WDR17: variants seen among roughly 807,000 people sequenced by gnomAD.
The protein encoded by WDR17 is WD repeat domain 17.
A neutral mutation model predicts 161.7 loss-of-function variants in WDR17; 143 were observed. The observed-to-expected ratio is 0.88, with a 90% confidence interval of 0.77 to 1.02. The LOEUF (loss-of-function observed/expected upper bound fraction) is 1.02. WDR17 is among the 50% of genes least tolerant of loss of function. The probability of loss-of-function intolerance (pLI) is 0.00; values close to 1 mark genes in which losing one functional copy is unlikely to be tolerated. For missense variants in WDR17, 1,469 were observed against 1,520.9 expected (o/e 0.97, Z 0.57); for synonymous variants, 517 against 515.6 (o/e 1.00, Z -0.04).
chr4:176,089,490 C>T (rs1735839260), intron 1 of WDR17, among the ~76,000 whole-genome samples: 1 of 152,004 alleles, frequency 6.6e-6, no homozygotes, highest in South Asian at 2.1e-4. Context: ...TCTCCTATAC[C>T]CCTAAACCCC....
At chr4:176,155,859 A>C (rs924815101) in intron 17 of WDR17, among the ~76,000 whole-genome samples, 1 of 151,662 alleles carries the variant, frequency 6.6e-6, no homozygotes, top group Non-Finnish European at 1.5e-5. Flanking sequence ...CACCATGCCC[A>C]GCTTCTTTTA....
chr4:176,158,272 G>A (rs35364107), intron 18 of WDR17, among the ~76,000 whole-genome samples: 36,583 of 152,122 alleles, frequency 0.24, 5,108 homozygotes, highest in Admixed American at 0.41. Context: ...TCAAGAGACA[G>A]CAGTAGCGTG....
intron 4 of WDR17, among the ~76,000 whole-genome samples, chr4:176,121,161 T>TG (rs1251563957): frequency 1.3e-5 from 2 of 152,202 alleles, no homozygotes; most frequent in Non-Finnish European, 2.9e-5. Flanking sequence ...AAGATTAGCA[T>TG]GAGGAGGGAT....
intron 28 of WDR17, among the ~76,000 whole-genome samples, chr4:176,178,958 A>G (rs1232681664): frequency 6.6e-6 from 1 of 152,204 alleles, no homozygotes; most frequent in Non-Finnish European, 1.5e-5. Context: ...AAGCAAGAAA[A>G]TCACATGGCT....
intron 1 of WDR17, among the ~76,000 whole-genome samples, chr4:176,105,624 A>C (rs886307433): frequency 2.0e-5 from 3 of 152,180 alleles, no homozygotes; most frequent in Non-Finnish European, 4.4e-5. Flanking sequence ...CAATGGATGA[A>C]AGAAGAAATC....
rs1327813004 is a variant in WDR17, at chr4:176,174,678, C to T, written c.3409C>T (p.Gln1137Ter). ...YIGALLAIRR[Q>*]YQSIVPALYE... ...TGGTGCATTACTGGCTATCAGAAGA[C>T]AGTACCAAAGCATTGTTCCAGCACT... is the stretch of plus-strand genomic sequence containing the variant. The change falls in exon 26 of 29, where the codon CAG becomes TAG. Residue 1137 changes from glutamine to a stop codon, truncating the protein, a stop_gained. Coordinates refer to ENST00000508596, the MANE Select transcript of WDR17 (RefSeq NM_181265.4). LOFTEE classifies it high-confidence loss of function. 1.2e-6 allele frequency: 2 copies of T among 1,612,282 alleles called. No individual in the cohort carries two copies. The highest frequency in any genetic ancestry group is 2.2e-5 in the East Asian group (1 of 44,744).
In WDR17 at chr4:176,177,515, GAA is replaced by G; in HGVS notation, c.3594_3595del (p.Arg1198SerfsTer34). 1 of 1,587,326 alleles carries G rather than the reference GAA, an allele frequency of 6.3e-7. No homozygotes were observed. Among genetic ancestry groups the G allele is most frequent in the Non-Finnish European group, 8.5e-7 (1 of 1,172,804 alleles). On this transcript the variant is annotated frameshift_variant, in exon 28 of 29. Coordinates refer to ENST00000508596, the MANE Select transcript of WDR17 (RefSeq NM_181265.4). LOFTEE classifies it high-confidence loss of function. ...TATACACCCCCTTCTGATTCACAAA[GAA>G]TGATTTATGCAACTTTATTAAAGAG...
intron 10 of WDR17, among the ~76,000 whole-genome samples, chr4:176,140,671 G>T (rs567984257): frequency 1.3e-5 from 2 of 152,064 alleles, no homozygotes; most frequent in South Asian, 4.1e-4. Context: ...TAGTTCTTGA[G>T]AATACAGAAG....
At chr4:176,151,085 G>A (rs1561184926) in intron 16 of WDR17, among the ~76,000 whole-genome samples, 1 of 152,142 alleles carries the variant, frequency 6.6e-6, no homozygotes, top group Non-Finnish European at 1.5e-5. Context: ...AATATGTATA[G>A]TTAATCGTTA....
intron 5 of WDR17, among the ~76,000 whole-genome samples, chr4:176,127,672 A>C (rs1310591233): frequency 6.6e-6 from 1 of 152,174 alleles, no homozygotes; most frequent in Non-Finnish European, 1.5e-5. Flanking sequence ...ACCATTTTTA[A>C]AGCATGCAGT....
rs1749298370 is a variant in WDR17 at position 176,163,219 on chromosome 4, A to T, written c.2916A>T (p.Leu972=). The T allele has an allele frequency of 6.2e-7, 1 of 1,613,980 alleles. No individual in the cohort carries two copies. The highest frequency in any genetic ancestry group is 8.5e-7 in the Non-Finnish European group (1 of 1,180,010). ...TGGCAGTCTGTGTGGGCACAGTACT[A>T]GGAGAGTCTGCAGCACCAGCAACCC... ...LELAVCVGTV[L]GESAAPATHY... Residue 972 remains leucine, a synonymous_variant, in exon 22 of 29, where the codon CTA becomes CTT. Transcript: ENST00000508596.
intron 1 of WDR17, among the ~76,000 whole-genome samples, chr4:176,110,009 T>C (rs929470595): frequency 5.9e-5 from 9 of 152,202 alleles, no homozygotes; most frequent in African/African-American, 2.2e-4. Context: ...ACTACTTACA[T>C]TTTTTCCTTA....
intron 7 of WDR17, among the ~76,000 whole-genome samples, chr4:176,133,684 C>T (rs1235009543): frequency 6.6e-6 from 1 of 151,470 alleles, no homozygotes; most frequent in Non-Finnish European, 1.5e-5. Context: ...CCAGAAGAAA[C>T]AACTCTGAAC....
intron 22 of WDR17, among the ~76,000 whole-genome samples, chr4:176,164,364 A>G (rs933473135): frequency 6.6e-6 from 1 of 152,238 alleles, no homozygotes; most frequent in African/African-American, 2.4e-5. Context: ...AAAACCTTTC[A>G]GGTGTTGACC....
chr4:176,179,359 A>C, intron 28 of WDR17, 101 bp from the exon 29 acceptor site: 1 of 1,244,594 alleles, frequency 8.0e-7, no homozygotes, highest in Non-Finnish European at 1.0e-6. Context: ...TTGCCTAAAT[A>C]TTATGTTTTT....
At chr4:176,085,120 C>A (rs765717623) in intron 1 of WDR17, among the ~76,000 whole-genome samples, 10 of 151,866 alleles carry the variant, frequency 6.6e-5, no homozygotes, top group Non-Finnish European at 1.2e-4. Flanking sequence ...ATTTGCTTGG[C>A]ACTTTTCATA....
At chr4:176,151,016 C>G (rs1230111299) in intron 16 of WDR17, among the ~76,000 whole-genome samples, 1 of 152,144 alleles carries the variant, frequency 6.6e-6, no homozygotes, top group Non-Finnish European at 1.5e-5. Flanking sequence ...CAATCTACAG[C>G]ACTAACAACA....
intron 26 of WDR17, among the ~76,000 whole-genome samples, 156 bp from the exon 27 acceptor site, chr4:176,176,902 G>C (rs1048562624): frequency 6.6e-6 from 1 of 152,016 alleles, no homozygotes; most frequent in Non-Finnish European, 1.5e-5. Context: ...GCATATATAC[G>C]CATATACTAG....
At chr4:176,077,667 G>T (rs989377542) in intron 1 of WDR17, among the ~76,000 whole-genome samples, 5 of 151,708 alleles carry the variant, frequency 3.3e-5, no homozygotes, top group African/African-American at 4.8e-5. Context: ...ACTAGCTCAT[G>T]TAACTTAAAA....
Sources: gnomAD v4.1 joint callset for allele counts (sites outside exome capture counted in the v4.1 genomes callset) on GRCh38, gnomAD v4.1.1 for gene constraint, MANE v1.5 for transcripts, NCBI Gene and HGNC (gene_info 2026-07-23, HGNC 2026-07-21) for gene names.